The following RASD2 variants were observed in gnomAD, a reference collection of about 807,000 sequenced individuals.
The protein encoded by RASD2 is RASD family member 2, also known as GTP-binding protein Rhes.
A neutral mutation model predicts 15.8 loss-of-function variants in RASD2; 7 were observed. That is an observed-to-expected ratio of 0.44 (90% CI 0.25 to 0.83). RASD2 has a LOEUF of 0.83. RASD2 is among the 40% of genes least tolerant of loss of function. The probability of loss-of-function intolerance (pLI) is 0.20; values close to 1 mark genes in which losing one functional copy is unlikely to be tolerated. For synonymous variants in RASD2, 155 were observed against 153.6 expected (o/e 1.01, Z -0.07); for missense variants, 274 against 382.8 (o/e 0.72, Z 2.37).
At chr22:35,545,689 G>A (rs1435224725) in intron 1 of RASD2, among the ~76,000 whole-genome samples, 1 of 152,150 alleles carries the variant, frequency 6.6e-6, no homozygotes, top group Non-Finnish European at 1.5e-5. Context: ...GGTGGCACTT[G>A]AGCCAGACCC....
rs2145879877 is a variant in RASD2 at position 35,553,001 on chromosome 22, G to C, written c.*969G>C. On this transcript the variant is annotated 3_prime_UTR_variant, in exon 3 of 3. Coordinates refer to ENST00000216127, the MANE Select transcript of RASD2 (RefSeq NM_014310.4). ...TTTTTTAATGCTCCCATTTCACAGA[G>C]GATACCACCGAGACTCGGAGGGGAC... 6.6e-6 allele frequency: 1 copy of C among 151,502 alleles called. No individual in the cohort carries two copies. Among genetic ancestry groups the C allele is most frequent in the East Asian group, 2.0e-4 (1 of 5,120 alleles). 9.4% of individuals were successfully genotyped at this position (151,502 alleles called of 1,614,324 possible). A position where few individuals can be genotyped will look rare whatever the true frequency, so the allele number is the denominator to read the frequency against.
the RASD2 span, among the ~76,000 whole-genome samples, chr22:35,535,395 C>A: frequency 2.7e-5 from 4 of 147,602 alleles, no homozygotes; most frequent in South Asian, 4.4e-4. Flanking sequence ...CAGAGCAAGA[C>A]CCTGTCTCCA....
rs947212544 is a variant in RASD2 at position 35,548,837 on chromosome 22, C to A, written c.271+1757C>A. 7.8e-4 allele frequency among the ~76,000 whole-genome samples: 119 copies of A among 152,278 alleles called. 1 individual carries two copies. The East Asian group carries it at 0.02, about 26-fold the overall frequency. ...TGCATCCTGTCTGAGTCTCAGCCTCCCCAGCCACACAGTGGGCTTAACCTC... is the reference window on the plus strand; with the variant it reads ...TGCATCCTGTCTGAGTCTCAGCCTCACCAGCCACACAGTGGGCTTAACCTC... On this transcript the variant is annotated intron_variant, in intron 2 of 2. Transcript: ENST00000216127.
Position 35,546,890 on chromosome 22 carries a change from C to T in RASD2, c.81C>T (p.Ala27=). The change falls in exon 2 of 3, where the codon GCC becomes GCT. Residue 27 remains alanine (A), a synonymous_variant. Coordinates refer to ENST00000216127, the MANE Select transcript of RASD2 (RefSeq NM_014310.4). ...CATACCGCATGGTGGTGCTGGGTGCCTCTCGGGTGGGCAAGAGCTCCATCG... is the reference window on the plus strand; with the variant it reads ...CATACCGCATGGTGGTGCTGGGTGCTTCTCGGGTGGGCAAGAGCTCCATCG... ...KNSYRMVVLG[A]SRVGKSSIVS... The T allele has an allele frequency of 6.2e-7, 1 of 1,613,614 alleles. No homozygotes were observed. Among genetic ancestry groups the T allele is most frequent in the South Asian group, 1.1e-5 (1 of 90,882 alleles).
intron 1 of RASD2, among the ~76,000 whole-genome samples, chr22:35,545,605 G>A (rs1191400752): frequency 6.6e-6 from 1 of 152,168 alleles, no homozygotes; most frequent in African/African-American, 2.4e-5. Context: ...CAGTTCAGGG[G>A]CTGGAAAGCT....
At chr22:35,535,561 G>C in the RASD2 span, among the ~76,000 whole-genome samples, 6 of 152,188 alleles carry the variant, frequency 3.9e-5, no homozygotes, top group African/African-American at 1.4e-4. Context: ...CTGTAAGGCA[G>C]CTCCATGGAG....
At chr22:35,537,868 G>A (rs1353297416), upstream of RASD2, among the ~76,000 whole-genome samples, 2 of 152,100 alleles carry the variant, frequency 1.3e-5, no homozygotes, top group Non-Finnish European at 1.5e-5. Context: ...TGGAGGTTGA[G>A]TGCAGGGCAT....
Position 35,544,789 on chromosome 22 carries a change from C to A in RASD2, c.-9-2012C>A, listed in dbSNP as rs1005541702. ...GTGCAACTGTAAGCAAGTAATTTAA[C>A]CTCTCTGTGCCTCAGTTTCCTCATC... On this transcript the variant is annotated intron_variant, in intron 1 of 2. Coordinates refer to ENST00000216127, the MANE Select transcript of RASD2 (RefSeq NM_014310.4). Among the ~76,000 whole-genome samples the A allele has an allele frequency of 5.9e-5, 9 of 152,158 alleles. No individual in the cohort carries two copies. In the East Asian group the frequency reaches 1.7e-3, roughly 29 times the overall value.
At chr22:35,545,513 G>A (rs1467692021) in intron 1 of RASD2, among the ~76,000 whole-genome samples, 1 of 152,174 alleles carries the variant, frequency 6.6e-6, no homozygotes, top group Non-Finnish European at 1.5e-5. Flanking sequence ...CATGCGCCTT[G>A]TGCAGTATCC....
At chr22:35,550,724 ATCAGGTAGAAATC>A in intron 2 of RASD2, among the ~76,000 whole-genome samples, 1 of 152,360 alleles carries the variant, frequency 6.6e-6, no homozygotes, top group Admixed American at 6.5e-5. Flanking sequence ...TGAGAACAGA[ATCAGGTAGAAATC>A]TCAGCCTAGC....
chr22:35,552,045 G>C lies in RASD2; in HGVS notation c.*13G>C. On this transcript the variant is annotated 3_prime_UTR_variant, in exon 3 of 3. Transcript: ENST00000216127. ...CACCATCCAGTGAGCGAGGGATGCTGGGGCGGGGCTTGGCCAGTGCCTTCA... is the reference window on the plus strand; with the variant it reads ...CACCATCCAGTGAGCGAGGGATGCTCGGGCGGGGCTTGGCCAGTGCCTTCA... 1 of 1,588,810 alleles carries C rather than the reference G, an allele frequency of 6.3e-7. No homozygotes were observed. The highest frequency in any genetic ancestry group is 1.3e-5 in the African/African-American group (1 of 74,814).
intron 1 of RASD2, among the ~76,000 whole-genome samples, chr22:35,545,931 G>A (rs936388703): frequency 3.9e-5 from 6 of 152,016 alleles, no homozygotes; most frequent in Admixed American, 6.5e-5. Flanking sequence ...GATCCATGTC[G>A]GCCTCTTTCA....
intron 1 of RASD2, among the ~76,000 whole-genome samples, chr22:35,542,851 G>T (rs1934388966): frequency 6.6e-6 from 1 of 152,206 alleles, no homozygotes; most frequent in South Asian, 2.1e-4. Flanking sequence ...TGGCTGGCAG[G>T]GTTAGGGGAG....
rs778297728 is a variant in RASD2 at position 35,552,057 on chromosome 22, G to A, written c.*25G>A. ...AGCGAGGGATGCTGGGGCGGGGCTT[G>A]GCCAGTGCCTTCAGGGAGGTGGCCC... On this transcript the variant is annotated 3_prime_UTR_variant, in exon 3 of 3. Transcript: ENST00000216127. The A allele has an allele frequency of 6.3e-7, 1 of 1,580,306 alleles. No individual in the cohort carries two copies. Among genetic ancestry groups the A allele is most frequent in the Non-Finnish European group, 8.6e-7 (1 of 1,167,272 alleles).
At chr22:35,546,684 G>C (rs1338339374) in intron 1 of RASD2, 117 bp from the exon 2 acceptor site, 14 of 1,375,454 alleles carry the variant, frequency 1.0e-5, no homozygotes, top group Non-Finnish European at 1.4e-5. Flanking sequence ...AACCTCGTCT[G>C]ATGTTCCCAT....
chr22:35,551,598 C>T lies in RASD2; in HGVS notation c.367C>T (p.Leu123=). 1 of 1,614,146 alleles carries T rather than the reference C, an allele frequency of 6.2e-7. No individual in the cohort carries two copies. Among genetic ancestry groups the T allele is most frequent in the Non-Finnish European group, 8.5e-7 (1 of 1,180,028 alleles). The stretch of plus-strand genomic sequence containing the variant: ...GCAGATCCTGGAGGTCAAGTCCTGC[C>T]TGAAGAACAAGACCAAGGAGGCGGC... ...QKQILEVKSC[L]KNKTKEAAEL... Residue 123 remains leucine, a synonymous_variant, in exon 3 of 3, where the codon CTG becomes TTG. Transcript: ENST00000216127. This position sits in a 1 kb window ranked among gnomAD's most constrained non-coding sequence, Gnocchi z 4.9.
chr22:35,548,344 A>C (rs1020199482), intron 2 of RASD2, among the ~76,000 whole-genome samples: 2 of 152,246 alleles, frequency 1.3e-5, no homozygotes, highest in African/African-American at 4.8e-5. Context: ...GTGAGACTTA[A>C]ATGAATGAAT....
At chr22:35,534,590 T>C in the RASD2 span, among the ~76,000 whole-genome samples, 15 of 152,358 alleles carry the variant, frequency 9.8e-5, no homozygotes, top group Non-Finnish European at 1.5e-4. Context: ...CCCACTCAGC[T>C]TGGCCCAACC....
chr22:35,552,932 AC>A lies in RASD2; in HGVS notation c.*901del, dbSNP rs773046355. The A allele has an allele frequency of 1.3e-5, 2 of 151,858 alleles. No individual in the cohort carries two copies. The highest frequency in any genetic ancestry group is 4.2e-4 in the South Asian group (2 of 4,758). The allele number at this position is 151,858 out of a possible 1,614,324, so 9.4% of individuals were successfully genotyped here. ...CCTCCGCCATTGAGCTCCACGGTTT[AC>A]AGACAATTGCACAAGCGTGGGGTGG... On this transcript the variant is annotated 3_prime_UTR_variant, in exon 3 of 3. Transcript: ENST00000216127.
Sources: gnomAD v4.1 joint callset for allele counts (sites outside exome capture counted in the v4.1 genomes callset) on GRCh38, gnomAD v4.1.1 for gene constraint, Gnocchi (gnomAD v3.1) non-coding constraint, MANE v1.5 for transcripts, NCBI Gene and HGNC (gene_info 2026-07-23, HGNC 2026-07-21) for gene names.